TENM1: variants seen among roughly 807,000 people sequenced by gnomAD.
TENM1 encodes the protein teneurin-1.
Under a neutral mutation model 174.8 loss-of-function variants are expected in TENM1, and 35 were observed. The ratio of observed to expected loss-of-function variants is 0.20; its 90% CI spans 0.15 to 0.27. The LOEUF (loss-of-function observed/expected upper bound fraction) is 0.27. Ranked by LOEUF, TENM1 falls within the 10% of genes least tolerant of loss-of-function variation. The pLI is 1.00. For missense variants in TENM1, 1,633 were observed against 2,130.1 expected (o/e 0.77, Z 4.59); for synonymous variants, 781 against 798.7 (o/e 0.98, Z 0.37).
intron 25 of TENM1, chrX:124,411,722 G>GGT (rs1892894034): frequency 8.9e-6 from 1 of 111,889 alleles, no homozygotes; most frequent in African/African-American, 3.3e-5. Context: ...CACATCAGCG[G>GGT]GTAATTCCTA....
chrX:124,812,153 GT>G (rs2055793650), intron 3 of TENM1, among the ~76,000 whole-genome samples: 1 of 110,895 alleles, frequency 9.0e-6, no homozygotes, highest in Admixed American at 9.6e-5. Flanking sequence ...TGGATATGGT[GT>G]TTTTACCACA....
intron 22 of TENM1, among the ~76,000 whole-genome samples, chrX:124,454,479 C>T (rs1436232853): frequency 9.0e-6 from 1 of 110,918 alleles, no homozygotes; most frequent in Non-Finnish European, 1.9e-5. Flanking sequence ...TCTTGGCTCA[C>T]TGCAACCTCC....
At chrX:125,063,554 GA>G in the TENM1 span, among the ~76,000 whole-genome samples, 5 of 111,843 alleles carry the variant, frequency 4.5e-5, no homozygotes, top group Admixed American at 2.8e-4. Flanking sequence ...AAAGACACAT[GA>G]AAAAAATGCT....
chrX:124,932,124 C>CA (rs2058181945), intron 1 of TENM1, among the ~76,000 whole-genome samples: 1 of 111,641 alleles, frequency 9.0e-6, no homozygotes, highest in South Asian at 3.8e-4. Flanking sequence ...AGCTCTGTAG[C>CA]AGATTAGCTA....
At chrX:124,834,489 T>C (rs1246304820) in intron 3 of TENM1, among the ~76,000 whole-genome samples, 1 of 111,620 alleles carries the variant, frequency 9.0e-6, no homozygotes, top group East Asian at 2.8e-4. Context: ...GTTATTTTAA[T>C]ATAAATTATT....
At chrX:124,480,460 T>G (rs1234023249) in intron 22 of TENM1, among the ~76,000 whole-genome samples, 1 of 112,218 alleles carries the variant, frequency 8.9e-6, no homozygotes, top group Admixed American at 9.4e-5. Context: ...TCTAATAAAT[T>G]AAACACATTG....
intron 3 of TENM1, among the ~76,000 whole-genome samples, chrX:124,825,723 C>A (rs2056144943): frequency 4.5e-5 from 5 of 112,051 alleles, no homozygotes; most frequent in Non-Finnish European, 9.4e-5. Flanking sequence ...TTATTTCAAA[C>A]ATGCATCGAT....
the TENM1 span, among the ~76,000 whole-genome samples, chrX:125,030,659 G>A: frequency 6.3e-5 from 7 of 111,612 alleles, no homozygotes; most frequent in East Asian, 2.0e-3. Flanking sequence ...ATATTATATA[G>A]AGAATAACAT....
chrX:124,612,818 A>G (rs750596602), intron 11 of TENM1, among the ~76,000 whole-genome samples: 4 of 110,103 alleles, frequency 3.6e-5, no homozygotes, highest in Non-Finnish European at 5.7e-5. Context: ...TTGATCATCT[A>G]TCTATCATTG....
chrX:124,718,926 A>G (rs1445660695), intron 4 of TENM1, among the ~76,000 whole-genome samples: 2 of 111,803 alleles, frequency 1.8e-5, no homozygotes, highest in Non-Finnish European at 3.8e-5. Flanking sequence ...TTTGGTTATC[A>G]CAACTTGGGG....
chrX:124,725,844 T>C (rs762130897), intron 4 of TENM1, among the ~76,000 whole-genome samples: 1 of 112,565 alleles, frequency 8.9e-6, no homozygotes, highest in East Asian at 2.8e-4. Flanking sequence ...TATTTCATGC[T>C]CTTAGTAAAA....
chrX:124,832,350 T>C (rs2056308040), intron 3 of TENM1, among the ~76,000 whole-genome samples: 1 of 111,936 alleles, frequency 8.9e-6, no homozygotes, highest in Non-Finnish European at 1.9e-5. Context: ...TAATGTTCAA[T>C]ATAGTGTCAG....
chrX:125,018,498 A>G, the TENM1 span, among the ~76,000 whole-genome samples: 1 of 111,744 alleles, frequency 8.9e-6, no homozygotes, highest in African/African-American at 3.3e-5. Context: ...TATATTAGTT[A>G]TGCAAACTTC....
At chrX:125,005,391 T>A in the TENM1 span, among the ~76,000 whole-genome samples, 4 of 101,694 alleles carry the variant, frequency 3.9e-5, no homozygotes, top group Admixed American at 1.1e-4. Flanking sequence ...TTAAACAATC[T>A]TTTGACCTGA....
intron 23 of TENM1, among the ~76,000 whole-genome samples, chrX:124,424,032 A>C: frequency 9.0e-6 from 1 of 111,701 alleles, no homozygotes; most frequent in Non-Finnish European, 1.9e-5. Flanking sequence ...CACAGCTAGA[A>C]AGCAGCCACC....
At chrX:124,496,282 TTCTA>T (rs1436018115) in intron 20 of TENM1, among the ~76,000 whole-genome samples, 1 of 111,488 alleles carries the variant, frequency 9.0e-6, no homozygotes, top group Non-Finnish European at 1.9e-5. Flanking sequence ...AGCTTCCCTT[TTCTA>T]TAACACCAGA....
chrX:124,506,457 T>G (rs2047449871), intron 18 of TENM1, among the ~76,000 whole-genome samples: 1 of 105,998 alleles, frequency 9.4e-6, no homozygotes, highest in African/African-American at 3.4e-5. Context: ...AACCCCACAA[T>G]TATATTACTT....
intron 18 of TENM1, among the ~76,000 whole-genome samples, chrX:124,512,136 T>C (rs2047597883): frequency 9.0e-6 from 1 of 111,620 alleles, no homozygotes; most frequent in Non-Finnish European, 1.9e-5. Flanking sequence ...ATATTGATAA[T>C]GTATGCAGAC....
At chrX:124,788,708 G>A (rs1412105905) in intron 3 of TENM1, among the ~76,000 whole-genome samples, 1 of 112,814 alleles carries the variant, frequency 8.9e-6, no homozygotes, top group Non-Finnish European at 1.9e-5. Flanking sequence ...AAGTCACACT[G>A]ATATAAGAGG....
Sources: allele counts gnomAD v4.1 joint callset (sites outside exome capture counted in the v4.1 genomes callset), GRCh38; gene constraint gnomAD v4.1.1; transcripts MANE v1.5; gene names NCBI Gene and HGNC (gene_info 2026-07-23, HGNC 2026-07-21).